UCHL5: variants seen among roughly 807,000 people sequenced by gnomAD.
The protein encoded by UCHL5 is ubiquitin carboxyl-terminal hydrolase isozyme L5.
In UCHL5, 34 loss-of-function variants were observed where a neutral mutation model predicts 53.8. The observed-to-expected ratio is 0.63, with a 90% CI of 0.48 to 0.84. The LOEUF (loss-of-function observed/expected upper bound fraction) is 0.84. Among genes scored for constraint, UCHL5 ranks in the 40% least tolerant of loss-of-function variants. UCHL5 has a pLI of 0.00. For synonymous variants in UCHL5, 111 were observed against 126.3 expected (o/e 0.88, Z 0.81); for missense variants, 290 against 385.6 (o/e 0.75, Z 2.08).
rs567689701 is a variant in UCHL5, at chr1:193,031,913, C to T, written c.247-2256G>A. On this transcript the variant is annotated intron_variant, in intron 3 of 10. Coordinates refer to ENST00000367454, the MANE Select transcript of UCHL5 (RefSeq NM_001199261.3). ...AGCTTACCTAAGTGTTCTACTTTAA[C>T]TCTGGCTTTTAAGATAATTTAAAAT... Among the ~76,000 whole-genome samples, 309 of 152,268 alleles carry T rather than the reference C, an allele frequency of 2.0e-3. 1 individual carries two copies. The highest frequency in any genetic ancestry group is 7.1e-3 in the African/African-American group (297 of 41,552).
chr1:193,036,135 C>T (rs1663293547), intron 3 of UCHL5, among the ~76,000 whole-genome samples: 1 of 151,662 alleles, frequency 6.6e-6, no homozygotes, highest in African/African-American at 2.4e-5. Context: ...TAAGTCCTCA[C>T]TTATCAATAA....
chr1:193,029,327 A>T lies in UCHL5; in HGVS notation c.435-18T>A, dbSNP rs1361450081. ...TTTGCTGTCTACAGTAAATAAAAAA[A>T]TAGTGAAACTCAAAGAAGCAAAGAA... On this transcript the variant is annotated intron_variant, in intron 5 of 10. Coordinates refer to ENST00000367454, the MANE Select transcript of UCHL5 (RefSeq NM_001199261.3). 1.4e-5 allele frequency: 23 copies of T among 1,613,088 alleles called. No homozygotes were observed. Among genetic ancestry groups the T allele is most frequent in the Middle Eastern group, 1.7e-4 (1 of 6,058 alleles).
rs930538472 is a variant in UCHL5, at chr1:193,049,775, G to A, written c.217C>T (p.Arg73Ter). 8 of 1,612,028 alleles carry A rather than the reference G, an allele frequency of 5.0e-6. No homozygotes were observed. Among genetic ancestry groups the A allele is most frequent in the Non-Finnish European group, 5.1e-6 (6 of 1,178,822 alleles). ...EPAGSVVQDS[R>*]LDTIFFAKQV... ...TTAGCAAAAAATATCGTGTCAAGTC[G>A]GGAGTCCTGAACCACAGAGCCTGCT... is the stretch of plus-strand genomic sequence containing the variant. Residue 73 changes from arginine (R) to a stop codon, truncating the protein, a stop_gained, in exon 3 of 11, where the codon CGA (arginine) becomes TGA (stop). Coordinates refer to ENST00000367454, the MANE Select transcript of UCHL5 (RefSeq NM_001199261.3). LOFTEE classifies it high-confidence loss of function.
At chr1:193,057,215 A>T (rs1670894186) in intron 1 of UCHL5, 1 of 152,408 alleles carries the variant, frequency 6.6e-6, no homozygotes, top group African/African-American at 2.4e-5. Context: ...GCTAGAAACC[A>T]GGGAGTTATT....
At chr1:193,042,655 A>G (rs1316460353) in intron 3 of UCHL5, among the ~76,000 whole-genome samples, 3 of 151,904 alleles carry the variant, frequency 2.0e-5, no homozygotes, top group African/African-American at 7.3e-5. Flanking sequence ...ACTTACATCT[A>G]CTCTTGTCCT....
At chr1:193,047,692 A>G (rs911055280) in intron 3 of UCHL5, among the ~76,000 whole-genome samples, 6 of 152,168 alleles carry the variant, frequency 3.9e-5, no homozygotes, top group Admixed American at 6.5e-5. Context: ...AGTATTATCT[A>G]TGGCTCTCTA....
intron 3 of UCHL5, among the ~76,000 whole-genome samples, chr1:193,041,485 T>TTA (rs1040403775): frequency 9.2e-5 from 14 of 152,326 alleles, no homozygotes; most frequent in African/African-American, 2.9e-4. Flanking sequence ...ATGCCACGTG[T>TTA]TATAATATGT....
intron 3 of UCHL5, among the ~76,000 whole-genome samples, chr1:193,048,504 C>T (rs1286529092): frequency 1.3e-5 from 2 of 152,126 alleles, no homozygotes; most frequent in Non-Finnish European, 2.9e-5. Flanking sequence ...AAGGATTTTA[C>T]CATAACAAAG....
chr1:193,027,813 G>A, intron 7 of UCHL5: 2 of 928,266 alleles, frequency 2.2e-6, no homozygotes, highest in Non-Finnish European at 3.1e-6. Flanking sequence ...CTTCTTAAAT[G>A]CATTAACCCA....
At chr1:193,038,519 T>C (rs1303160783) in intron 3 of UCHL5, among the ~76,000 whole-genome samples, 1 of 151,762 alleles carries the variant, frequency 6.6e-6, no homozygotes, top group Non-Finnish European at 1.5e-5. Context: ...ATGATCATTT[T>C]TACCATTTTA....
chr1:193,030,617 A>T (rs1661032237), intron 3 of UCHL5, among the ~76,000 whole-genome samples: 1 of 152,208 alleles, frequency 6.6e-6, no homozygotes, highest in Admixed American at 6.5e-5. Context: ...CACAGAGCTG[A>T]ATAATTTTTT....
At chr1:193,023,486 A>G (rs1657931900) in intron 8 of UCHL5, among the ~76,000 whole-genome samples, 1 of 152,184 alleles carries the variant, frequency 6.6e-6, no homozygotes, top group African/African-American at 2.4e-5. Context: ...TAATTATATA[A>G]TGAAGTCACA....
chr1:193,025,510 G>A (rs1005635055), intron 7 of UCHL5, among the ~76,000 whole-genome samples: 4 of 152,182 alleles, frequency 2.6e-5, no homozygotes, highest in African/African-American at 4.8e-5. Flanking sequence ...CAGTATGAGT[G>A]GAAAGCAATA....
At chr1:193,033,364 C>T (rs371929656) in intron 3 of UCHL5, among the ~76,000 whole-genome samples, 1 of 152,138 alleles carries the variant, frequency 6.6e-6, no homozygotes, top group East Asian at 1.9e-4. Context: ...ACATCACACA[C>T]CGGGGCTTGT....
intron 10 of UCHL5, chr1:193,020,392 C>T: frequency 6.5e-7 from 1 of 1,547,596 alleles, no homozygotes. Context: ...CTGTGGTACA[C>T]AGACCAGTTG....
At chr1:193,027,042 A>C (rs981852128) in intron 7 of UCHL5, among the ~76,000 whole-genome samples, 1 of 152,216 alleles carries the variant, frequency 6.6e-6, no homozygotes, top group African/African-American at 2.4e-5. Context: ...TAAATGACAA[A>C]AATTATAGAA....
intron 10 of UCHL5, chr1:193,019,872 A>G: frequency 3.1e-6 from 3 of 958,904 alleles, no homozygotes; most frequent in Non-Finnish European, 3.7e-6. Flanking sequence ...GTCCCTAGTA[A>G]CATTTATCTA....
intron 3 of UCHL5, among the ~76,000 whole-genome samples, chr1:193,036,497 A>T (rs1663548834): frequency 6.6e-6 from 1 of 152,000 alleles, no homozygotes; most frequent in Admixed American, 6.5e-5. Context: ...CTGAGTTCCC[A>T]AGTGTATAAA....
intron 3 of UCHL5, among the ~76,000 whole-genome samples, chr1:193,043,151 T>TAAA (rs200951342): frequency 2.7e-5 from 1 of 36,376 alleles, no homozygotes; most frequent in African/African-American, 8.3e-5. Context: ...TCTTGAATAT[T>TAAA]AAAAAAAAAA....
Sources: gnomAD v4.1 joint callset for allele counts (sites outside exome capture counted in the v4.1 genomes callset) on GRCh38, gnomAD v4.1.1 for gene constraint, MANE v1.5 for transcripts, NCBI Gene and HGNC (gene_info 2026-07-23, HGNC 2026-07-21) for gene names.